Variants in SPACA1 observed in about 807,000 individuals in gnomAD.
SPACA1 encodes sperm acrosome associated 1.
A neutral mutation model predicts 32.6 loss-of-function variants in SPACA1; 17 were observed. The ratio of observed to expected loss-of-function variants is 0.52; its 90% CI spans 0.36 to 0.78. SPACA1 has a LOEUF of 0.78. Among genes scored for constraint, SPACA1 ranks in the 30% least tolerant of loss-of-function variants. The probability of loss-of-function intolerance (pLI) is 0.01; values close to 1 mark genes in which losing one functional copy is unlikely to be tolerated. For missense variants in SPACA1, 363 were observed against 373.4 expected, an observed-to-expected ratio of 0.97 and a Z score of 0.23; for synonymous variants, 140 against 138.1, an observed-to-expected ratio of 1.01 and a Z score of -0.10.
At position 88,049,735 on chromosome 6, in the gene SPACA1, A is replaced by G. The variant is rs180748995; in HGVS notation, c.208+1622A>G. On this transcript the variant is annotated intron_variant, in intron 1 of 6. Coordinates refer to ENST00000237201, the MANE Select transcript of SPACA1 (RefSeq NM_030960.3). ...ATGGAAAAATTCAAATTTTTATTCCATATATCCTAGTTTTGAAGGTGTATG... is the reference window on the plus strand; with the variant it reads ...ATGGAAAAATTCAAATTTTTATTCCGTATATCCTAGTTTTGAAGGTGTATG... 6.3e-3 allele frequency among the ~76,000 whole-genome samples: 957 copies of G among 152,332 alleles called. 33 individuals are homozygous for G. In the South Asian group the frequency reaches 0.065, roughly 10 times the overall value.
At position 88,057,646 on chromosome 6, in the gene SPACA1, A is replaced by C. The variant is rs750028950; in HGVS notation, c.300A>C (p.Gly100=). 6.2e-7 allele frequency: 1 copy of C among 1,614,068 alleles called. No homozygotes were observed. The highest frequency in any genetic ancestry group is 1.3e-5 in the African/African-American group (1 of 75,054). Residue 100 remains glycine (G), a synonymous_variant, in exon 3 of 7, where the codon GGA becomes GGC. Transcript: ENST00000237201. ...IGVREVILTN[G]CPGGESKCVV... ...TTAGAGAAGTTATATTAACAAATGG[A>C]TGCCCTGGTGGTGAATCCAAGTGTG...
chr6:88,050,022 T>C (rs1775705539), intron 1 of SPACA1, among the ~76,000 whole-genome samples: 1 of 152,214 alleles, frequency 6.6e-6, no homozygotes, highest in Admixed American at 6.5e-5. Flanking sequence ...CATCTTTAGA[T>C]TTATAAACAC....
intron 2 of SPACA1, among the ~76,000 whole-genome samples, chr6:88,055,834 G>GGT (rs1403851442): frequency 1.3e-5 from 2 of 152,002 alleles, no homozygotes. Flanking sequence ...AGCTGGGTGC[G>GGT]GTGGCACATA....
chr6:88,059,690 C>A (rs578209715), intron 5 of SPACA1, 102 bp downstream of exon 5: 5 of 1,182,742 alleles, frequency 4.2e-6, no homozygotes, highest in Non-Finnish European at 5.7e-6. Flanking sequence ...GCCCTCCCCC[C>A]AGAGTTTCTG....
At chr6:88,053,201 C>T (rs1024449985) in intron 1 of SPACA1, among the ~76,000 whole-genome samples, 4 of 152,130 alleles carry the variant, frequency 2.6e-5, no homozygotes, top group Non-Finnish European at 4.4e-5. Context: ...GTTTTCCATG[C>T]GATTTGTTGT....
chr6:88,064,825 T>C (rs942793255), intron 6 of SPACA1, among the ~76,000 whole-genome samples: 4 of 148,176 alleles, frequency 2.7e-5, no homozygotes, highest in Admixed American at 6.8e-5. Context: ...ATATCATATA[T>C]AGGTCATATG....
intron 1 of SPACA1, among the ~76,000 whole-genome samples, chr6:88,051,718 T>A (rs1338359676): frequency 6.6e-6 from 1 of 152,272 alleles, no homozygotes; most frequent in East Asian, 1.9e-4. Context: ...GCTTTTTAGC[T>A]GTATGTGAAG....
At chr6:88,055,572 T>G (rs909965618) in intron 2 of SPACA1, among the ~76,000 whole-genome samples, 1 of 152,244 alleles carries the variant, frequency 6.6e-6, no homozygotes, top group East Asian at 1.9e-4. Flanking sequence ...AAAAGTTTTC[T>G]TTTATATCCA....
chr6:88,060,930 C>G (rs888285410), intron 5 of SPACA1, among the ~76,000 whole-genome samples: 4 of 152,216 alleles, frequency 2.6e-5, no homozygotes, highest in Non-Finnish European at 5.9e-5. Context: ...GTTAACTTCT[C>G]TCTCTCATAG....
At chr6:88,057,954 G>A (rs987594213) in intron 3 of SPACA1, among the ~76,000 whole-genome samples, 3 of 152,178 alleles carry the variant, frequency 2.0e-5, no homozygotes, top group Non-Finnish European at 4.4e-5. Flanking sequence ...TACACTGGAG[G>A]CTTACTGTAT....
chr6:88,052,257 A>C (rs1031292325), intron 1 of SPACA1, among the ~76,000 whole-genome samples: 5 of 152,200 alleles, frequency 3.3e-5, no homozygotes, highest in African/African-American at 1.2e-4. Flanking sequence ...AGTTGGAAGA[A>C]ATTGAACAAC....
intron 1 of SPACA1, among the ~76,000 whole-genome samples, chr6:88,050,688 G>A (rs1445913126): frequency 6.6e-6 from 1 of 152,190 alleles, no homozygotes; most frequent in African/African-American, 2.4e-5. Context: ...AAAATAGCTT[G>A]TGTTAGTGTA....
intron 5 of SPACA1, among the ~76,000 whole-genome samples, chr6:88,060,512 T>C (rs1775876697): frequency 6.6e-6 from 1 of 152,174 alleles, no homozygotes; most frequent in Non-Finnish European, 1.5e-5. Context: ...TTTATTGAAA[T>C]GAAAACAGGT....
At position 88,047,996 on chromosome 6, in the gene SPACA1, AAC is replaced by A; in HGVS notation, c.92_93del (p.Asn31SerfsTer35). ...LAGLQSARGT[N>X]VTAAVQDAGL... The stretch of plus-strand genomic sequence containing the variant: ...GGGCCTCCAGTCCGCGCGCGGGACC[AAC>A]GTCACCGCTGCCGTCCAGGATGCCG... On this transcript the variant is annotated frameshift_variant, in exon 1 of 7. Coordinates refer to ENST00000237201, the MANE Select transcript of SPACA1 (RefSeq NM_030960.3). LOFTEE classifies it high-confidence loss of function. 1.3e-6 allele frequency: 2 copies of A among 1,580,518 alleles called. No individual in the cohort carries two copies. Among genetic ancestry groups the A allele is most frequent in the South Asian group, 2.3e-5 (2 of 86,002 alleles).
chr6:88,056,546 C>T (rs1186080623), intron 2 of SPACA1, among the ~76,000 whole-genome samples: 2 of 152,180 alleles, frequency 1.3e-5, no homozygotes, highest in Non-Finnish European at 2.9e-5. Flanking sequence ...AATGCAGAAT[C>T]TCAAACCCAT....
At chr6:88,060,322 G>A (rs1278866299) in intron 5 of SPACA1, among the ~76,000 whole-genome samples, 1 of 152,098 alleles carries the variant, frequency 6.6e-6, no homozygotes, top group Non-Finnish European at 1.5e-5. Flanking sequence ...TGGGGACTTG[G>A]TCACAAGTTC....
At chr6:88,047,788 C>T (rs1488854696), upstream of SPACA1, 14 of 1,023,160 alleles carry the variant, frequency 1.4e-5, no homozygotes, top group Non-Finnish European at 1.9e-5. Flanking sequence ...CGTCACGGTT[C>T]GTCACGGGAT....
At chr6:88,056,219 T>C (rs1220691176) in intron 2 of SPACA1, among the ~76,000 whole-genome samples, 1 of 152,038 alleles carries the variant, frequency 6.6e-6, no homozygotes, top group Non-Finnish European at 1.5e-5. Context: ...CTGGGCGTAG[T>C]GGCACGCGCC....
chr6:88,065,415 C>A (rs806437), intron 6 of SPACA1, among the ~76,000 whole-genome samples: 32,036 of 143,026 alleles, frequency 0.22, 4,434 homozygotes, highest in East Asian at 0.46. Flanking sequence ...AGTATATATA[C>A]TATATTTACA....
Sources: gnomAD v4.1 joint callset for allele counts (sites outside exome capture counted in the v4.1 genomes callset) on GRCh38, gnomAD v4.1.1 for gene constraint, MANE v1.5 for transcripts, NCBI Gene and HGNC (gene_info 2026-07-23, HGNC 2026-07-21) for gene names.